Variants in FANCM observed in about 807,000 individuals in gnomAD.
FANCM encodes FA complementation group M, also known as Fanconi anemia group M protein.
A neutral mutation model predicts 199.5 loss-of-function variants in FANCM; 140 were observed. That is an observed-to-expected ratio of 0.70 (90% CI 0.61 to 0.81). The LOEUF (loss-of-function observed/expected upper bound fraction) is 0.81, where lower values mean the gene tolerates loss of function less well. Ranked by LOEUF, FANCM falls within the 30% of genes least tolerant of loss-of-function variation. FANCM has a pLI of 0.00. For synonymous variants in FANCM, 840 were observed against 836.8 expected (o/e 1.00, Z -0.07); for missense variants, 2,410 against 2,421.4 (o/e 1.00, Z 0.10).
intron 18 of FANCM, among the ~76,000 whole-genome samples, chr14:45,186,572 G>A (rs1438972513): frequency 6.6e-6 from 1 of 152,156 alleles, no homozygotes; most frequent in African/African-American, 2.4e-5. Context: ...TAAGAAAAAA[G>A]TGTTTAAAAG....
rs1566748823 is a variant in FANCM at position 45,164,516 on chromosome 14, A to C, written c.1739A>C (p.Lys580Thr). The change falls in exon 10 of 23, where the codon AAA (lysine) becomes ACA (threonine). Residue 580 changes from lysine to threonine, a missense_variant. Physicochemically the swap from Lys to Thr is moderately conservative, Grantham distance 78. Coordinates refer to ENST00000267430, the MANE Select transcript of FANCM (RefSeq NM_020937.4). ...CAACGAATGGGTAGAACTGGCCGTA[A>C]ACGTCAAGGCAGGATAGTTATTATC... ...LVQRMGRTGR[K>T]RQGRIVIILS... 6.2e-7 allele frequency: 1 copy of C among 1,613,710 alleles called. No homozygotes were observed. Among genetic ancestry groups the C allele is most frequent in the Non-Finnish European group, 8.5e-7 (1 of 1,180,012 alleles).
rs1887823905 is a variant in FANCM at position 45,164,469 on chromosome 14, G to A, written c.1692G>A (p.Gln564=). 6.2e-7 allele frequency: 1 copy of A among 1,613,694 alleles called. No individual in the cohort carries two copies. The highest frequency in any genetic ancestry group is 1.8e-4 in the Middle Eastern group (1 of 5,712). The change falls in exon 10 of 23, where the codon CAG becomes CAA. Residue 564 remains glutamine (Q), a synonymous_variant. Transcript: ENST00000267430. ...EVDLIICFDS[Q]KSPIRLVQRM... ...ATCTTATAATATGTTTTGATTCCCA[G>A]AAGAGCCCAATTCGTCTTGTACAAC...
intron 3 of FANCM, among the ~76,000 whole-genome samples, chr14:45,143,979 A>G (rs1001534688): frequency 6.6e-6 from 1 of 152,024 alleles, no homozygotes; most frequent in African/African-American, 2.4e-5. Flanking sequence ...GGCGTGAGCC[A>G]CCACGCCCGG....
intron 3 of FANCM, among the ~76,000 whole-genome samples, chr14:45,141,274 C>T (rs1335306122): frequency 3.3e-5 from 4 of 122,126 alleles, no homozygotes; most frequent in Admixed American, 3.2e-4. Context: ...GGCGACAGAG[C>T]GAGGCTCCGT....
At chr14:45,169,163 C>T (rs1888176236) in intron 11 of FANCM, among the ~76,000 whole-genome samples, 1 of 151,846 alleles carries the variant, frequency 6.6e-6, no homozygotes, top group Admixed American at 6.6e-5. Flanking sequence ...TTCAGGTGAT[C>T]CACCTACCTA....
At chr14:45,150,553 C>T (rs1397509158) in intron 4 of FANCM, among the ~76,000 whole-genome samples, 1 of 152,174 alleles carries the variant, frequency 6.6e-6, no homozygotes, top group Non-Finnish European at 1.5e-5. Context: ...CCATTAAGCT[C>T]ATTTCCGCCT....
chr14:45,194,589 A>G (rs2139314172), intron 20 of FANCM, among the ~76,000 whole-genome samples: 1 of 152,218 alleles, frequency 6.6e-6, no homozygotes, highest in African/African-American at 2.4e-5. Flanking sequence ...TACTTTGTGC[A>G]GCTGCATACA....
chr14:45,172,880 C>A (rs139491372), intron 12 of FANCM, among the ~76,000 whole-genome samples, 175 bp from the exon 13 acceptor site: 1 of 152,204 alleles, frequency 6.6e-6, no homozygotes, highest in East Asian at 1.9e-4. Flanking sequence ...TTTTAAAGGG[C>A]ATCTTTCTGC....
intron 20 of FANCM, among the ~76,000 whole-genome samples, chr14:45,190,420 C>T (rs532486808): frequency 2.6e-4 from 40 of 152,230 alleles, no homozygotes; most frequent in African/African-American, 9.1e-4. Flanking sequence ...AGCTAATTAA[C>T]ATATGTGTTA....
In FANCM at chr14:45,189,089, G is replaced by A. The variant is rs148900115; in HGVS notation, c.5067G>A (p.Ala1689=). 242 of 1,614,084 alleles carry A rather than the reference G, an allele frequency of 1.5e-4. No homozygotes were observed. The African/African-American group carries it at 2.1e-3, about 14-fold the overall frequency. ...NVNDKRESNI[A]VNPSTVKKNK... ...ATGATAAAAGAGAATCTAATATTGC[G>A]GTTAACCCAAGCACTGTTAAGAAGA... Residue 1689 remains alanine (A), a synonymous_variant, in exon 20 of 23, where the codon GCG becomes GCA. Coordinates refer to ENST00000267430, the MANE Select transcript of FANCM (RefSeq NM_020937.4).
intron 20 of FANCM, among the ~76,000 whole-genome samples, chr14:45,190,944 T>A (rs1427434169): frequency 2.0e-5 from 3 of 152,180 alleles, no homozygotes; most frequent in African/African-American, 7.2e-5. Context: ...CATAGCTCAC[T>A]GCTGACTTGA....
chr14:45,181,771 A>G, intron 16 of FANCM, 66 bp downstream of exon 16: 2 of 923,984 alleles, frequency 2.2e-6, no homozygotes, highest in East Asian at 2.5e-5. Flanking sequence ...TGAGAGAAAT[A>G]TATGTGTAGA....
intron 8 of FANCM, among the ~76,000 whole-genome samples, chr14:45,157,882 C>T (rs977457589): frequency 2.0e-5 from 3 of 152,110 alleles, no homozygotes; most frequent in African/African-American, 4.8e-5. Flanking sequence ...CCTTGGAACA[C>T]ATATGATGAT....
chr14:45,144,116 A>G (rs913479369), intron 3 of FANCM, among the ~76,000 whole-genome samples: 17 of 152,112 alleles, frequency 1.1e-4, no homozygotes, highest in African/African-American at 4.1e-4. Context: ...ACAGGCATGC[A>G]GTGCATAATA....
intron 12 of FANCM, among the ~76,000 whole-genome samples, chr14:45,171,824 T>G (rs1384324590): frequency 1.3e-5 from 2 of 152,084 alleles, no homozygotes; most frequent in East Asian, 3.9e-4. Context: ...AATATGGGTG[T>G]GCGAGTATCT....
intron 18 of FANCM, among the ~76,000 whole-genome samples, chr14:45,186,141 A>G (rs1341702894): frequency 6.6e-6 from 1 of 151,912 alleles, no homozygotes; most frequent in African/African-American, 2.4e-5. Flanking sequence ...CAATCCTCTC[A>G]CCTTGGCCTC....
rs574372172 is a variant in FANCM, at chr14:45,197,693, G to C, written c.5717-951G>C. Among the ~76,000 whole-genome samples, 38 of 151,590 alleles carry C rather than the reference G, an allele frequency of 2.5e-4. No homozygotes were observed. The East Asian group carries it at 7.4e-3, about 30-fold the overall frequency. On this transcript the variant is annotated intron_variant, in intron 21 of 22. Coordinates refer to ENST00000267430, the MANE Select transcript of FANCM (RefSeq NM_020937.4). ...TTGGTCAGGCTGGTCTTGAACTCTTGACCTCAGGTGATCTGCCTGCCTCAG... is the reference window on the plus strand; with the variant it reads ...TTGGTCAGGCTGGTCTTGAACTCTTCACCTCAGGTGATCTGCCTGCCTCAG...
rs139382267 is a variant in FANCM at position 45,176,050 on chromosome 14, G to A, written c.3296G>A (p.Arg1099His). 2.9e-4 allele frequency: 465 copies of A among 1,613,980 alleles called. No homozygotes were observed. Among genetic ancestry groups the A allele is most frequent in the African/African-American group, 2.2e-3 (166 of 75,028 alleles). Residue 1099 changes from arginine (R) to histidine (H), a missense_variant, in exon 14 of 23, where the codon CGT becomes CAT. Physicochemically the swap from Arg to His is conservative, Grantham distance 29. Coordinates refer to ENST00000267430, the MANE Select transcript of FANCM (RefSeq NM_020937.4). ...NQNENLVPNN[R>H]VQIHRSPAQN... ...AATGAAAATTTAGTACCTAACAATCGTGTTCAAATACACAGAAGCCCTGCA... is the reference window on the plus strand; with the variant it reads ...AATGAAAATTTAGTACCTAACAATCATGTTCAAATACACAGAAGCCCTGCA...
Position 45,169,134 on chromosome 14 carries a change from C to T in FANCM, c.2003-1455C>T, listed in dbSNP as rs187711576. On this transcript the variant is annotated intron_variant, in intron 11 of 22. Transcript: ENST00000267430. ...ACGGGGTTTCTCCGTGTTGGCCAGG[C>T]TGGTCTTGAACTCCTGACTTCAGGT... 1.5e-3 allele frequency among the ~76,000 whole-genome samples: 231 copies of T among 151,918 alleles called. 1 individual carries two copies. The highest frequency in any genetic ancestry group is 2.5e-3 in the Non-Finnish European group (171 of 67,934).
Sources: gnomAD v4.1 joint callset for allele counts (sites outside exome capture counted in the v4.1 genomes callset) on GRCh38, gnomAD v4.1.1 for gene constraint, MANE v1.5 for transcripts, NCBI Gene and HGNC (gene_info 2026-07-23, HGNC 2026-07-21) for gene names.